NUDT3: variants seen among roughly 807,000 people sequenced by gnomAD.
The protein encoded by NUDT3 is nudix hydrolase 3.
A neutral mutation model predicts 23.6 loss-of-function variants in NUDT3; 9 were observed. The observed-to-expected ratio is 0.38, with a 90% CI of 0.23 to 0.66. The LOEUF is 0.66. NUDT3 is among the 30% of genes least tolerant of loss of function. The pLI is 0.52. For missense variants in NUDT3, 172 were observed against 218.5 expected, an observed-to-expected ratio of 0.79 and a Z score of 1.34; for synonymous variants, 86 against 82.6, an observed-to-expected ratio of 1.04 and a Z score of -0.22.
chr6:34,298,963 T>C (rs1004228827), intron 2 of NUDT3, among the ~76,000 whole-genome samples: 13 of 152,228 alleles, frequency 8.5e-5, no homozygotes, highest in Admixed American at 7.9e-4. Flanking sequence ...GTCATAGTGC[T>C]GACAAAAAAG....
At chr6:34,310,091 A>C (rs1763748169) in intron 2 of NUDT3, among the ~76,000 whole-genome samples, 1 of 152,050 alleles carries the variant, frequency 6.6e-6, no homozygotes, top group Non-Finnish European at 1.5e-5. Context: ...AAATGAGCTG[A>C]GCATAGTGGT....
intron 2 of NUDT3, among the ~76,000 whole-genome samples, chr6:34,311,613 C>A (rs927480681): frequency 2.0e-5 from 3 of 152,080 alleles, no homozygotes; most frequent in African/African-American, 7.2e-5. Flanking sequence ...AAAGCCCAGA[C>A]AGTCAACTCG....
intron 2 of NUDT3, among the ~76,000 whole-genome samples, chr6:34,297,760 A>ATATATATATATATATTTTTT (rs1763535832): frequency 7.5e-5 from 4 of 53,618 alleles, no homozygotes; most frequent in Non-Finnish European, 1.2e-4. Flanking sequence ...TATATATATA[A>ATATATATATATATATTTTTT]TTTTTTTTTT....
chr6:34,295,132 T>G (rs1258342001), intron 3 of NUDT3, among the ~76,000 whole-genome samples: 1 of 152,104 alleles, frequency 6.6e-6, no homozygotes, highest in Non-Finnish European at 1.5e-5. Flanking sequence ...TATTTAAAAA[T>G]AATTCTAGTA....
chr6:34,364,312 A>T (rs1180344661), intron 1 of NUDT3, among the ~76,000 whole-genome samples: 2 of 152,226 alleles, frequency 1.3e-5, no homozygotes, highest in Non-Finnish European at 2.9e-5. Context: ...TAAACTTACT[A>T]AGGTTTTGTC....
chr6:34,284,137 AC>A lies in NUDT3; in HGVS notation c.*4615del, dbSNP rs1763309092. 1 of 152,212 alleles carries A rather than the reference AC, an allele frequency of 6.6e-6. No homozygotes were observed. Among genetic ancestry groups the A allele is most frequent in the Admixed American group, 6.5e-5 (1 of 15,278 alleles). 9.4% of individuals were successfully genotyped at this position (152,212 alleles called of 1,614,324 possible). A position where few individuals can be genotyped will look rare whatever the true frequency, so the allele number is the denominator to read the frequency against. On this transcript the variant is annotated 3_prime_UTR_variant, in exon 5 of 5. Transcript: ENST00000607016. ...CTCAACTGAGCAGTATGAACTGCCC[AC>A]CTCAACTGGGCAGTCTGACCTCTTC...
intron 1 of NUDT3, among the ~76,000 whole-genome samples, chr6:34,381,237 CA>C (rs1561924769): frequency 6.6e-6 from 1 of 152,082 alleles, no homozygotes; most frequent in Non-Finnish European, 1.5e-5. Context: ...AGCCTTGTCT[CA>C]AACTCTTGAG....
intron 2 of NUDT3, among the ~76,000 whole-genome samples, chr6:34,320,228 T>C (rs1178025749): frequency 6.6e-6 from 1 of 152,102 alleles, no homozygotes; most frequent in Non-Finnish European, 1.5e-5. Context: ...TTTACTTTTC[T>C]GCTCTTTTTT....
chr6:34,357,254 A>G (rs1337064720), intron 1 of NUDT3, among the ~76,000 whole-genome samples: 1 of 152,118 alleles, frequency 6.6e-6, no homozygotes, highest in Non-Finnish European at 1.5e-5. Flanking sequence ...AAGCTGACTG[A>G]GGAGTACATG....
In NUDT3 at chr6:34,316,974, G is replaced by A. The variant is rs1407571870; in HGVS notation, c.211-21289C>T. ...GTGTAGCTAAGGAATTGAGGTGAGTGGTGATGGTGGCTTGGACCAGGGGGA... is the reference window on the plus strand; with the variant it reads ...GTGTAGCTAAGGAATTGAGGTGAGTAGTGATGGTGGCTTGGACCAGGGGGA... On this transcript the variant is annotated intron_variant, in intron 2 of 4. Coordinates refer to ENST00000607016, the MANE Select transcript of NUDT3 (RefSeq NM_006703.4). Among the ~76,000 whole-genome samples, 5 of 152,150 alleles carry A rather than the reference G, an allele frequency of 3.3e-5. No homozygotes were observed. The East Asian group carries it at 5.8e-4, about 18-fold the overall frequency.
chr6:34,369,133 C>G (rs1291013727), intron 1 of NUDT3, among the ~76,000 whole-genome samples: 1 of 152,116 alleles, frequency 6.6e-6, no homozygotes, highest in Non-Finnish European at 1.5e-5. Context: ...TGTATGTTAA[C>G]AAGGAACATA....
chr6:34,295,049 C>G (rs756113827), intron 3 of NUDT3, among the ~76,000 whole-genome samples: 3 of 152,124 alleles, frequency 2.0e-5, no homozygotes, highest in Non-Finnish European at 4.4e-5. Flanking sequence ...TTTTTCTTCT[C>G]TCTCTCTACA....
chr6:34,384,396 G>T (rs1241927099), intron 1 of NUDT3, among the ~76,000 whole-genome samples: 1 of 152,122 alleles, frequency 6.6e-6, no homozygotes, highest in Non-Finnish European at 1.5e-5. Context: ...CCTATTAGTA[G>T]TCATTTTTCT....
chr6:34,379,602 G>A (rs1467934070), intron 1 of NUDT3, among the ~76,000 whole-genome samples: 1 of 151,926 alleles, frequency 6.6e-6, no homozygotes, highest in Non-Finnish European at 1.5e-5. Flanking sequence ...GTACAGACAG[G>A]GTCTTGCTAT....
At chr6:34,379,742 C>T (rs138691353) in intron 1 of NUDT3, among the ~76,000 whole-genome samples, 30 of 151,792 alleles carry the variant, frequency 2.0e-4, no homozygotes, top group African/African-American at 7.0e-4. Context: ...AGGCCAGGCG[C>T]GGTGGTTCAT....
intron 1 of NUDT3, among the ~76,000 whole-genome samples, chr6:34,364,523 C>T (rs1182610470): frequency 2.0e-5 from 3 of 152,292 alleles, no homozygotes; most frequent in Non-Finnish European, 4.4e-5. Flanking sequence ...ACAACAACAA[C>T]AACAACAACG....
chr6:34,353,090 CTT>C (rs1469891728), intron 1 of NUDT3, among the ~76,000 whole-genome samples: 1 of 152,152 alleles, frequency 6.6e-6, no homozygotes, highest in Non-Finnish European at 1.5e-5. Flanking sequence ...AGAGGCACTT[CTT>C]GTGAAGACTT....
rs531746810 is a variant in NUDT3, at chr6:34,386,067, T to C, written c.99+6197A>G. ...CAATGAACATAAACAGATAAAGGAA[T>C]AGAGGTAACTAATTGTAATCACACA... On this transcript the variant is annotated intron_variant, in intron 1 of 4. Coordinates refer to ENST00000607016, the MANE Select transcript of NUDT3 (RefSeq NM_006703.4). 1.2e-4 allele frequency among the ~76,000 whole-genome samples: 18 copies of C among 152,360 alleles called. 1 individual carries two copies. The South Asian group carries it at 2.7e-3, about 23-fold the overall frequency.
At chr6:34,356,763 T>C (rs749834709) in intron 1 of NUDT3, among the ~76,000 whole-genome samples, 6 of 152,096 alleles carry the variant, frequency 3.9e-5, no homozygotes, top group Non-Finnish European at 8.8e-5. Flanking sequence ...TTAGGTATAA[T>C]TATGGAATTG....
Sources: allele counts gnomAD v4.1 joint callset (sites outside exome capture counted in the v4.1 genomes callset), GRCh38; gene constraint gnomAD v4.1.1; transcripts MANE v1.5; gene names NCBI Gene and HGNC (gene_info 2026-07-23, HGNC 2026-07-21).